The following SLC44A5 variants were observed in gnomAD, a reference collection of about 807,000 sequenced individuals.
The protein encoded by SLC44A5 is solute carrier family 44 member 5, also known as choline transporter-like protein 5.
A neutral mutation model predicts 101.8 loss-of-function variants in SLC44A5; 57 were observed. The ratio of observed to expected loss-of-function variants is 0.56; its 90% CI spans 0.45 to 0.70. SLC44A5 has a LOEUF of 0.70. SLC44A5 is among the 30% of genes least tolerant of loss of function. The pLI, the probability that SLC44A5 is intolerant of heterozygous loss-of-function variation, is 0.00. For synonymous variants in SLC44A5, 281 were observed against 290.9 expected (o/e 0.97, Z 0.35); for missense variants, 737 against 853.1 (o/e 0.86, Z 1.70).
the SLC44A5 span, among the ~76,000 whole-genome samples, chr1:75,643,021 A>G: frequency 4.6e-5 from 7 of 152,110 alleles, no homozygotes; most frequent in Non-Finnish European, 4.4e-5. Flanking sequence ...TTGGCATATT[A>G]TTTTCTCATG....
intron 2 of SLC44A5, among the ~76,000 whole-genome samples, chr1:75,416,770 G>C (rs941126340): frequency 8.5e-5 from 13 of 152,230 alleles, no homozygotes; most frequent in Non-Finnish European, 1.6e-4. Context: ...AAAGGAGATA[G>C]TTTTGGAGCT....
intron 1 of SLC44A5, among the ~76,000 whole-genome samples, chr1:75,589,086 G>A (rs956174220): frequency 6.6e-6 from 1 of 152,096 alleles, no homozygotes; most frequent in Non-Finnish European, 1.5e-5. Flanking sequence ...GCATTCACGC[G>A]CACCCTCTCT....
the SLC44A5 span, among the ~76,000 whole-genome samples, chr1:75,698,024 T>C: frequency 1.3e-5 from 2 of 152,152 alleles, no homozygotes; most frequent in Non-Finnish European, 2.9e-5. Flanking sequence ...TCTCACTGAT[T>C]GCTAGCACAG....
rs577499845 is a variant in SLC44A5 at position 75,463,130 on chromosome 1, A to C, written c.14-66509T>G. ...TTCCCAAAGATCAAGGATTAATAAA[A>C]AAAGATCCTGGCTGGGCACGGTGGC... is the stretch of plus-strand genomic sequence containing the variant. On this transcript the variant is annotated intron_variant, in intron 2 of 23. Transcript: ENST00000370859. Among the ~76,000 whole-genome samples, 4 of 152,322 alleles carry C rather than the reference A, an allele frequency of 2.6e-5. No individual in the cohort carries two copies. The South Asian group carries it at 8.3e-4, about 32-fold the overall frequency.
chr1:75,396,683 T>TAC, intron 2 of SLC44A5, 62 bp from the exon 3 acceptor site: 1 of 1,244,008 alleles, frequency 8.0e-7, no homozygotes, highest in Non-Finnish European at 1.2e-6. Context: ...TGAGGTTCTA[T>TAC]ACACATCTCT....
the SLC44A5 span, among the ~76,000 whole-genome samples, chr1:75,644,645 T>TA: frequency 6.7e-6 from 1 of 149,990 alleles, no homozygotes; most frequent in Non-Finnish European, 1.5e-5. Flanking sequence ...TATATATATT[T>TA]TTTTTTAATT....
chr1:75,358,977 C>G (rs1659283136), intron 3 of SLC44A5, among the ~76,000 whole-genome samples: 1 of 151,972 alleles, frequency 6.6e-6, no homozygotes, highest in African/African-American at 2.4e-5. Context: ...CAACAATTTC[C>G]CATTCCCTCC....
intron 3 of SLC44A5, among the ~76,000 whole-genome samples, chr1:75,388,931 T>C (rs530612776): frequency 3.3e-5 from 5 of 152,252 alleles, no homozygotes; most frequent in African/African-American, 9.6e-5. Flanking sequence ...ACACATATCA[T>C]GTGTAACAAC....
chr1:75,688,755 C>T, the SLC44A5 span, among the ~76,000 whole-genome samples: 1 of 152,110 alleles, frequency 6.6e-6, no homozygotes, highest in Non-Finnish European at 1.5e-5. Context: ...GTGTCAGTAT[C>T]CCCTCAAACC....
intron 1 of SLC44A5, among the ~76,000 whole-genome samples, chr1:75,596,588 A>G (rs1674649888): frequency 6.6e-6 from 1 of 152,198 alleles, no homozygotes. Flanking sequence ...AACGCACATC[A>G]AAAAGCTTAT....
chr1:75,702,685 T>G, the SLC44A5 span, among the ~76,000 whole-genome samples: 3 of 152,296 alleles, frequency 2.0e-5, no homozygotes, highest in South Asian at 2.1e-4. Context: ...AAAGAGCTTC[T>G]GCACAGCAAA....
intron 4 of SLC44A5, among the ~76,000 whole-genome samples, chr1:75,306,416 A>G (rs1305457413): frequency 6.6e-6 from 1 of 152,206 alleles, no homozygotes; most frequent in Non-Finnish European, 1.5e-5. Context: ...GGTAAAAATC[A>G]AAATGCTGTG....
intron 1 of SLC44A5, among the ~76,000 whole-genome samples, chr1:75,584,205 C>A (rs541265148): frequency 8.5e-5 from 13 of 152,298 alleles, no homozygotes; most frequent in Admixed American, 7.9e-4. Flanking sequence ...TCCTTTTGAG[C>A]TTCTGTAGTC....
intron 3 of SLC44A5, among the ~76,000 whole-genome samples, chr1:75,386,647 C>T (rs922683441): frequency 3.3e-5 from 5 of 152,066 alleles, no homozygotes; most frequent in Admixed American, 3.3e-4. Context: ...AGGTAATTTA[C>T]AGATTCAATG....
At chr1:75,668,315 CTTTTTTTTTTTT>C in the SLC44A5 span, among the ~76,000 whole-genome samples, 2,896 of 65,166 alleles carry the variant, frequency 0.044, 215 homozygotes, top group African/African-American at 0.15. Flanking sequence ...TCCTAGGAGC[CTTTTTTTTTTTT>C]TTTTTTTTTT....
At chr1:75,258,046 C>T (rs374654230) in intron 6 of SLC44A5, among the ~76,000 whole-genome samples, 3 of 152,104 alleles carry the variant, frequency 2.0e-5, no homozygotes, top group Non-Finnish European at 2.9e-5. Flanking sequence ...CTTCGCAACC[C>T]GCAGACCAGA....
chr1:75,356,401 T>A (rs1433417926), intron 3 of SLC44A5, among the ~76,000 whole-genome samples: 1 of 151,682 alleles, frequency 6.6e-6, no homozygotes, highest in Non-Finnish European at 1.5e-5. Flanking sequence ...GTCTCTGTTT[T>A]TAACAAAAAG....
At chr1:75,393,720 AG>A (rs1661945392) in intron 3 of SLC44A5, among the ~76,000 whole-genome samples, 1 of 152,226 alleles carries the variant, frequency 6.6e-6, no homozygotes, top group East Asian at 1.9e-4. Context: ...TTTTGAAAAT[AG>A]GAACTGTAAT....
the SLC44A5 span, among the ~76,000 whole-genome samples, chr1:75,679,785 A>G: frequency 6.6e-6 from 1 of 152,174 alleles, no homozygotes; most frequent in Admixed American, 6.6e-5. Context: ...ATGTAAATGG[A>G]CTAAATGCTC....
Sources: allele counts gnomAD v4.1 joint callset (sites outside exome capture counted in the v4.1 genomes callset), GRCh38; gene constraint gnomAD v4.1.1; transcripts MANE v1.5; gene names NCBI Gene and HGNC (gene_info 2026-07-23, HGNC 2026-07-21).